EVA1C: variants seen among roughly 807,000 people sequenced by gnomAD.
The protein encoded by EVA1C is protein eva-1 homolog C.
Under a neutral mutation model 45.4 loss-of-function variants are expected in EVA1C, and 25 were observed. The observed-to-expected ratio is 0.55, with a 90% CI of 0.40 to 0.77. EVA1C has a LOEUF of 0.77. Ranked by LOEUF, EVA1C falls within the 30% of genes least tolerant of loss-of-function variation. The pLI is 0.00. For missense variants in EVA1C, 479 were observed against 554.8 expected, an observed-to-expected ratio of 0.86 and a Z score of 1.37; for synonymous variants, 190 against 221.2, an observed-to-expected ratio of 0.86 and a Z score of 1.25.
chr21:32,453,758 A>G (rs1481166476), intron 2 of EVA1C, among the ~76,000 whole-genome samples: 1 of 152,166 alleles, frequency 6.6e-6, no homozygotes, highest in East Asian at 1.9e-4. Context: ...TTCAATATGA[A>G]TTTATTTGTA....
chr21:32,507,407 CAT>C (rs996619855), intron 7 of EVA1C, among the ~76,000 whole-genome samples: 2 of 105,860 alleles, frequency 1.9e-5, no homozygotes, highest in African/African-American at 5.1e-5. Flanking sequence ...TGAGCATGTG[CAT>C]GTGTGTGTAT....
intron 1 of EVA1C, among the ~76,000 whole-genome samples, chr21:32,448,030 C>T (rs769635119): frequency 1.3e-5 from 2 of 152,122 alleles, no homozygotes; most frequent in South Asian, 2.1e-4. Flanking sequence ...CAACCTTTTC[C>T]GAACAAGCTT....
chr21:32,425,603 G>A (rs896679664), intron 1 of EVA1C, among the ~76,000 whole-genome samples: 1 of 152,148 alleles, frequency 6.6e-6, no homozygotes, highest in Admixed American at 6.5e-5. Flanking sequence ...GTCAAGGCAG[G>A]TTATTTGGGT....
chr21:32,469,051 C>T (rs1208124446), intron 4 of EVA1C, among the ~76,000 whole-genome samples: 1 of 152,170 alleles, frequency 6.6e-6, no homozygotes, highest in East Asian at 1.9e-4. Flanking sequence ...TTCCTGAATC[C>T]CTCAGTTGTT....
intron 1 of EVA1C, among the ~76,000 whole-genome samples, chr21:32,450,747 G>A (rs542198181): frequency 1.3e-4 from 20 of 152,022 alleles, no homozygotes; most frequent in African/African-American, 4.6e-4. Flanking sequence ...TGTGCCAGGC[G>A]GGAAGACACT....
At chr21:32,415,739 CT>C (rs905199886) in intron 1 of EVA1C, among the ~76,000 whole-genome samples, 4 of 152,178 alleles carry the variant, frequency 2.6e-5, no homozygotes, top group African/African-American at 9.7e-5. Context: ...CGCCTTCTCT[CT>C]CATCTCCAAA....
chr21:32,422,460 T>C (rs1035649900), intron 1 of EVA1C, among the ~76,000 whole-genome samples: 7 of 152,086 alleles, frequency 4.6e-5, no homozygotes, highest in African/African-American at 1.7e-4. Flanking sequence ...TTTTTAAGGA[T>C]TGATGAAAGA....
At chr21:32,431,460 G>A (rs1474989820) in intron 1 of EVA1C, among the ~76,000 whole-genome samples, 2 of 152,214 alleles carry the variant, frequency 1.3e-5, no homozygotes, top group African/African-American at 4.8e-5. Context: ...ACACTAGAAT[G>A]ACCTTGGGGT....
rs1253474545 is a variant in EVA1C, at chr21:32,453,455, C to G, written c.304C>G (p.Pro102Ala). The change falls in exon 2 of 8, where the codon CCT (proline) becomes GCT (alanine). Residue 102 changes from proline (P) to alanine (A), a missense_variant. This residue lies in a region of EVA1C where 366 missense variants were observed against 426.1 expected (regional missense o/e 0.86). Transcript: ENST00000300255. ...TTACCAAATGTGTAGTTCCCAGAAG[C>G]CTGCCTCCCAGAGGGAAGACAGCTT... is the stretch of plus-strand genomic sequence containing the variant. ...QDYQMCSSQK[P>A]ASQREDSLTC... 1.2e-6 allele frequency: 2 copies of G among 1,611,274 alleles called. No homozygotes were observed. Among genetic ancestry groups the G allele is most frequent in the African/African-American group, 2.7e-5 (2 of 74,848 alleles).
At chr21:32,502,165 T>C (rs549218957) in intron 6 of EVA1C, among the ~76,000 whole-genome samples, 13 of 151,966 alleles carry the variant, frequency 8.6e-5, no homozygotes, top group African/African-American at 3.1e-4. Flanking sequence ...AATGGCGCAA[T>C]CTCCACTCAC....
At position 32,457,628 on chromosome 21, in the gene EVA1C, C is replaced by G; in HGVS notation, c.389C>G (p.Ala130Gly). The G allele has an allele frequency of 1.2e-6, 2 of 1,614,158 alleles. No homozygotes were observed. The highest frequency in any genetic ancestry group is 1.7e-6 in the Non-Finnish European group (2 of 1,180,010). ...CTGGACGAATGCCAGAACCAGCGGG[C>G]CTGCCACCTCCTGGTCAATAGCCGT... The part of the protein sequence containing the change: ...KVLDECQNQR[A>G]CHLLVNSRVF... The change falls in exon 3 of 8, where the codon GCC becomes GGC. Residue 130 changes from alanine (A) to glycine (G), a missense_variant. Ala to Gly is a moderately conservative substitution (Grantham distance 60). This residue lies in a region of EVA1C where 366 missense variants were observed against 426.1 expected (regional missense o/e 0.86). Coordinates refer to ENST00000300255, the MANE Select transcript of EVA1C (RefSeq NM_058187.5).
chr21:32,423,500 G>A (rs180930619), intron 1 of EVA1C, among the ~76,000 whole-genome samples: 113 of 152,216 alleles, frequency 7.4e-4, no homozygotes, highest in African/African-American at 2.6e-3. Context: ...AGAGGAGTTT[G>A]AGGGATGAGC....
At chr21:32,419,227 C>A (rs899153839) in intron 1 of EVA1C, among the ~76,000 whole-genome samples, 5 of 152,194 alleles carry the variant, frequency 3.3e-5, no homozygotes, top group African/African-American at 4.8e-5. Context: ...CTGATCTTCA[C>A]AGCCATCCTG....
intron 4 of EVA1C, among the ~76,000 whole-genome samples, chr21:32,472,449 T>C (rs1211408984): frequency 6.6e-6 from 1 of 152,150 alleles, no homozygotes; most frequent in Non-Finnish European, 1.5e-5. Context: ...TGTGAGCCAC[T>C]GCGCCCGGCT....
At chr21:32,445,370 A>T (rs1035562441) in intron 1 of EVA1C, among the ~76,000 whole-genome samples, 4 of 152,230 alleles carry the variant, frequency 2.6e-5, no homozygotes, top group Non-Finnish European at 5.9e-5. Context: ...GAAATTCAAC[A>T]GAAATATTTT....
At chr21:32,489,620 T>C (rs1294144466) in intron 4 of EVA1C, among the ~76,000 whole-genome samples, 1 of 152,248 alleles carries the variant, frequency 6.6e-6, no homozygotes, top group Admixed American at 6.5e-5. Flanking sequence ...GCATTGTTTT[T>C]TCTATTTCTG....
In EVA1C at chr21:32,475,878, TTTATCTATCTATCTATCTATC is replaced by T. The variant is rs1485984402; in HGVS notation, c.634+8032_634+8052del. Among the ~76,000 whole-genome samples, 9 of 148,096 alleles carry T rather than the reference TTTATCTATCTATCTATCTATC, an allele frequency of 6.1e-5. No homozygotes were observed. The South Asian group carries it at 1.1e-3, about 18-fold the overall frequency. On this transcript the variant is annotated intron_variant, in intron 4 of 7. Coordinates refer to ENST00000300255, the MANE Select transcript of EVA1C (RefSeq NM_058187.5). ...TCTTCACAGAGTTCTTTCTAAAAAC[TTTATCTATCTATCTATCTATC>T]TATCTATCTATCTATCTATCTATCT...
intron 4 of EVA1C, among the ~76,000 whole-genome samples, chr21:32,478,354 G>A (rs2036659223): frequency 1.3e-5 from 2 of 152,102 alleles, no homozygotes; most frequent in South Asian, 4.2e-4. Flanking sequence ...AAGTAGTTGG[G>A]ACTACAGGCA....
rs182071978 is a variant in EVA1C, at chr21:32,453,966, C to T, written c.357+458C>T. On this transcript the variant is annotated intron_variant, in intron 2 of 7. Transcript: ENST00000300255. The stretch of plus-strand genomic sequence containing the variant: ...ACTCAAAGGGCTGGGCGCGGTGGCT[C>T]ATGCCTGTAATCCCAGCACTTTGGG... Among the ~76,000 whole-genome samples the T allele has an allele frequency of 1.6e-4, 24 of 152,332 alleles. No homozygotes were observed. The East Asian group carries it at 3.7e-3, about 23-fold the overall frequency.
Sources: gnomAD v4.1 joint callset for allele counts (sites outside exome capture counted in the v4.1 genomes callset) on GRCh38, gnomAD v4.1.1 for gene constraint, gnomAD v4.1.1 regional missense constraint, MANE v1.5 for transcripts, NCBI Gene and HGNC (gene_info 2026-07-23, HGNC 2026-07-21) for gene names.